GLIS2: variants seen among roughly 807,000 people sequenced by gnomAD.
GLIS2 encodes GLIS family zinc finger 2.
Under a neutral mutation model 35.6 loss-of-function variants are expected in GLIS2, and 14 were observed. That is an observed-to-expected ratio of 0.39 (90% confidence interval 0.26 to 0.61). GLIS2 has a LOEUF of 0.61. Among genes scored for constraint, GLIS2 ranks in the 20% least tolerant of loss-of-function variants. The pLI, the probability that GLIS2 is intolerant of heterozygous loss-of-function variation, is 0.48. For missense variants in GLIS2, 675 were observed against 713.4 expected, an observed-to-expected ratio of 0.95 and a Z score of 0.61; for synonymous variants, 368 against 325.1, an observed-to-expected ratio of 1.13 and a Z score of -1.42.
chr16:4,337,259 C>T lies in GLIS2; in HGVS notation c.1310C>T (p.Ala437Val). Residue 437 changes from alanine to valine, a missense_variant, in exon 7 of 7, where the codon GCA becomes GTA. Ala to Val is a moderately conservative substitution (Grantham distance 64). Around this residue, in one of 3 missense-constraint regions of GLIS2, gnomAD observed 317 missense variants for 283.2 expected, o/e 1.12. Transcript: ENST00000433375. ...CCTGTGGTCTCCCTCCTTGCTGGCG[C>T]AGCTGGTGGCAAGGCCGAGGGGGAG... ...GLPVVSLLAG[A>V]AGGKAEGEKG... 2 of 1,548,844 alleles carry T rather than the reference C, an allele frequency of 1.3e-6. No individual in the cohort carries two copies. Among genetic ancestry groups the T allele is most frequent in the South Asian group, 1.2e-5 (1 of 84,108 alleles).
In GLIS2 at chr16:4,332,180, C is replaced by T; in HGVS notation, c.-66-35C>T. The T allele has an allele frequency of 7.1e-7, 1 of 1,412,896 alleles. No homozygotes were observed. The highest frequency in any genetic ancestry group is 2.5e-5 in the East Asian group (1 of 40,624). 87.5% of individuals were successfully genotyped at this position (1,412,896 alleles called of 1,614,324 possible). ...TACAGCCCGAGGAGAAGCCTGGGGT[C>T]TCAGTGCCACAGCACAGCTCCTGTC... On this transcript the variant is annotated intron_variant, in intron 1 of 6. Coordinates refer to ENST00000433375, the MANE Select transcript of GLIS2 (RefSeq NM_032575.3). The surrounding 1 kb of genome is among the most constrained non-coding windows in gnomAD (Gnocchi z 5.4).
rs2053519169 is a variant in GLIS2 at position 4,333,497 on chromosome 16, T to C, written c.323T>C (p.Leu108Pro). ...LSPERQGNGDLPPVPSASDFQ... is the reference protein window; with the variant it reads ...LSPERQGNGDPPPVPSASDFQ... Reference sequence around the variant, plus strand: ...CCCGAGCGCCAGGGCAACGGGGACCTGCCTCCAGTGCCCAGTGCCTCGGTA... The same window carrying C: ...CCCGAGCGCCAGGGCAACGGGGACCCGCCTCCAGTGCCCAGTGCCTCGGTA... Residue 108 changes from leucine (L) to proline (P), a missense_variant, in exon 3 of 7, where the codon CTG becomes CCG. Physicochemically the swap from Leu to Pro is moderately conservative, Grantham distance 98. This residue lies in a region of GLIS2 where 225 missense variants were observed against 238.7 expected (regional missense o/e 0.94). Coordinates refer to ENST00000433375, the MANE Select transcript of GLIS2 (RefSeq NM_032575.3). The C allele has an allele frequency of 6.2e-7, 1 of 1,611,448 alleles. No individual in the cohort carries two copies. The highest frequency in any genetic ancestry group is 8.5e-7 in the Non-Finnish European group (1 of 1,179,254).
chr16:4,319,150 CG>C (rs1234799789), intron 1 of GLIS2, among the ~76,000 whole-genome samples: 1 of 152,048 alleles, frequency 6.6e-6, no homozygotes, highest in Non-Finnish European at 1.5e-5. Context: ...GGAATTGGGG[CG>C]GGGGTGGCTG....
Position 4,337,484 on chromosome 16 carries a change from C to T in GLIS2, c.1535C>T (p.Pro512Leu), listed in dbSNP as rs775572049. ...TTGGCCCCTGGCTGGGTGGTCATCC[C>T]GCCGGGCTCGGTGCTGCTCAAACCG... Reference protein sequence around the residue: ...EALAPGWVVIPPGSVLLKPAV... With the variant: ...EALAPGWVVILPGSVLLKPAV... Residue 512 changes from proline (P) to leucine (L), a missense_variant, in exon 7 of 7, where the codon CCG becomes CTG. By Grantham distance (98) the Pro-to-Leu change is moderately conservative. Around this residue, in one of 3 missense-constraint regions of GLIS2, gnomAD observed 317 missense variants for 283.2 expected, o/e 1.12. Transcript: ENST00000433375. 7.6e-6 allele frequency: 12 copies of T among 1,569,792 alleles called. No individual in the cohort carries two copies. The highest frequency in any genetic ancestry group is 1.2e-5 in the South Asian group (1 of 86,516).
chr16:4,337,388 T>C lies in GLIS2; in HGVS notation c.1439T>C (p.Leu480Pro). 6.3e-7 allele frequency: 1 copy of C among 1,592,914 alleles called. No homozygotes were observed. Residue 480 changes from leucine (L) to proline (P), a missense_variant, in exon 7 of 7, where the codon CTC (leucine) becomes CCC (proline). Transcript: ENST00000433375. ...SSCSRPSPDG[L>P]PLLPGTVLDL... is the part of the protein sequence containing the mutation. Reference sequence around the variant, plus strand: ...TGCTCCCGGCCAAGCCCCGATGGACTCCCCCTGCTGCCAGGCACCGTGCTG... The same window carrying C: ...TGCTCCCGGCCAAGCCCCGATGGACCCCCCCTGCTGCCAGGCACCGTGCTG...
intron 1 of GLIS2, among the ~76,000 whole-genome samples, chr16:4,328,678 C>T (rs2053464286): frequency 6.6e-6 from 1 of 151,896 alleles, no homozygotes; most frequent in African/African-American, 2.4e-5. Flanking sequence ...TGTGGGGGTG[C>T]CCCTGGGGAC....
rs1483062655 is a variant in GLIS2, at chr16:4,336,561, G to C, written c.776-164G>C. 4.0e-6 allele frequency: 3 copies of C among 742,086 alleles called. No homozygotes were observed. The African/African-American group carries it at 5.2e-5, about 13-fold the overall frequency. 46.0% of individuals were successfully genotyped at this position (742,086 alleles called of 1,614,324 possible). On this transcript the variant is annotated intron_variant, in intron 6 of 6. Transcript: ENST00000433375. ...AGTTTTCAGCCTCTGTGCCCTGCCT[G>C]GGGGCAGATCTCATGCCATGTGCTG...
intron 1 of GLIS2, among the ~76,000 whole-genome samples, chr16:4,330,736 A>G (rs1324193701): frequency 6.6e-6 from 1 of 152,268 alleles, no homozygotes; most frequent in African/African-American, 2.4e-5. Context: ...CTGTTAGGAC[A>G]CGGCTAGCCA....
rs768673376 is a variant in GLIS2 at position 4,335,078 on chromosome 16, C to G, written c.541C>G (p.Leu181Val). ...TCCGCAGTGTAACCAGCTCTTTGAGCTCCTGCAAGACCTGGTGGACCATGT... is the reference window on the plus strand; with the variant it reads ...TCCGCAGTGTAACCAGCTCTTTGAGGTCCTGCAAGACCTGGTGGACCATGT... The part of the protein sequence containing the change: ...RWAKCNQLFE[L>V]LQDLVDHVND... The change falls in exon 5 of 7, where the codon CTC becomes GTC. Residue 181 changes from leucine (L) to valine (V), a missense_variant. Physicochemically the swap from Leu to Val is conservative, Grantham distance 32. Around this residue, in one of 3 missense-constraint regions of GLIS2, gnomAD observed 225 missense variants for 238.7 expected, o/e 0.94. Transcript: ENST00000433375. The surrounding 1 kb of genome is among the most constrained non-coding windows in gnomAD (Gnocchi z 4.6). 1 of 1,613,406 alleles carries G rather than the reference C, an allele frequency of 6.2e-7. No homozygotes were observed. The highest frequency in any genetic ancestry group is 1.3e-5 in the African/African-American group (1 of 74,940).
intron 1 of GLIS2, chr16:4,329,262 G>A (rs1479251867): frequency 2.6e-5 from 4 of 152,216 alleles, no homozygotes; most frequent in African/African-American, 4.8e-5. Flanking sequence ...AACAGTGGAG[G>A]GGACCCTGGT....
In GLIS2 at chr16:4,320,555, C is replaced by T. The variant is rs2053367153; in HGVS notation, c.-67+4301C>T. ...TGTCGGTTTAGCCTGGGAATCCCCC[C>T]AGCTCCACTCCTGCCCCCCACGTCC... On this transcript the variant is annotated intron_variant, in intron 1 of 6. Transcript: ENST00000433375. This position sits in a 1 kb window ranked among gnomAD's most constrained non-coding sequence, Gnocchi z 5.6. 7.0e-6 allele frequency among the ~76,000 whole-genome samples: 1 copy of T among 143,712 alleles called. No homozygotes were observed. The allele number at this position is 143,712 out of a possible 152,430, so 94.3% of individuals were successfully genotyped here.
rs759416922 is a variant in GLIS2 at position 4,337,126 on chromosome 16, G to A, written c.1177G>A (p.Gly393Arg). The change falls in exon 7 of 7, where the codon GGG (glycine) becomes AGG (arginine). Residue 393 changes from glycine to arginine, a missense_variant. This residue lies in a region of GLIS2 where 317 missense variants were observed against 283.2 expected (regional missense o/e 1.12). Coordinates refer to ENST00000433375, the MANE Select transcript of GLIS2 (RefSeq NM_032575.3). ...ALACGNGGGS[G>R]GGGGMGPGLP... is the part of the protein sequence containing the mutation. ...GGCCTGTGGCAACGGTGGGGGCAGTGGGGGTGGGGGGGGCATGGGCCCTGG... is the reference window on the plus strand; with the variant it reads ...GGCCTGTGGCAACGGTGGGGGCAGTAGGGGTGGGGGGGGCATGGGCCCTGG... 1.2e-4 allele frequency: 181 copies of A among 1,536,306 alleles called. No individual in the cohort carries two copies. Among genetic ancestry groups the A allele is most frequent in the Middle Eastern group, 1.1e-3 (5 of 4,578 alleles).
At chr16:4,331,285 C>T (rs944799741) in intron 1 of GLIS2, among the ~76,000 whole-genome samples, 6 of 152,192 alleles carry the variant, frequency 3.9e-5, no homozygotes, top group African/African-American at 7.2e-5. Context: ...CGGCCACAGG[C>T]GTTCTTGAAC....
chr16:4,333,892 C>T (rs754071922), intron 3 of GLIS2, among the ~76,000 whole-genome samples: 1 of 152,128 alleles, frequency 6.6e-6, no homozygotes, highest in Non-Finnish European at 1.5e-5. Context: ...GTGGGAAGAT[C>T]GCTTGAGCCC....
intron 1 of GLIS2, among the ~76,000 whole-genome samples, chr16:4,330,624 G>A (rs569766343): frequency 2.0e-5 from 3 of 152,344 alleles, no homozygotes; most frequent in South Asian, 2.1e-4. Context: ...GCTACCTGCC[G>A]GCCATTTCAG....
At chr16:4,327,504 TG>T (rs2053445209) in intron 1 of GLIS2, among the ~76,000 whole-genome samples, 3 of 152,048 alleles carry the variant, frequency 2.0e-5, no homozygotes, top group Non-Finnish European at 2.9e-5. Flanking sequence ...GTGGGGACAG[TG>T]GCCGGCCCCG....
intron 1 of GLIS2, among the ~76,000 whole-genome samples, chr16:4,331,936 C>G (rs757882487): frequency 5.9e-5 from 9 of 152,146 alleles, no homozygotes; most frequent in Non-Finnish European, 8.8e-5. Context: ...AGTGACAGAG[C>G]GAGACTCTGT....
At chr16:4,331,878 G>A in intron 1 of GLIS2, 1 of 318,148 alleles carries the variant, frequency 3.1e-6, no homozygotes, top group Non-Finnish European at 6.2e-6. Context: ...GAGCCTAGGA[G>A]GTCGAGGCTG....
chr16:4,315,972 G>A (rs1490548288), upstream of GLIS2, among the ~76,000 whole-genome samples: 2 of 146,068 alleles, frequency 1.4e-5, no homozygotes, highest in African/African-American at 5.0e-5. Context: ...CTCCTCCGCG[G>A]CCGGCGGGCC....
Sources: gnomAD v4.1 joint callset for allele counts (sites outside exome capture counted in the v4.1 genomes callset) on GRCh38, gnomAD v4.1.1 for gene constraint, gnomAD v4.1.1 regional missense constraint, Gnocchi (gnomAD v3.1) non-coding constraint, MANE v1.5 for transcripts, NCBI Gene and HGNC (gene_info 2026-07-23, HGNC 2026-07-21) for gene names.